The following DMD variants were observed in gnomAD, a reference collection of about 807,000 sequenced individuals.
DMD encodes the protein mutant dystrophin.
A neutral mutation model predicts 330.1 loss-of-function variants in DMD; 63 were observed. The ratio of observed to expected loss-of-function variants is 0.19; its 90% CI spans 0.16 to 0.24. The LOEUF (loss-of-function observed/expected upper bound fraction) is 0.24, where lower values mean the gene tolerates loss of function less well. Ranked by LOEUF, DMD falls within the 10% of genes least tolerant of loss-of-function variation. The pLI is 1.00. For missense variants in DMD, 3,344 were observed against 2,684.1 expected, an observed-to-expected ratio of 1.25 and a Z score of -5.43; for synonymous variants, 1,223 against 959.8, an observed-to-expected ratio of 1.27 and a Z score of -5.07.
intron 1 of DMD, among the ~76,000 whole-genome samples, chrX:33,043,938 G>A (rs1215884060): frequency 1.9e-5 from 2 of 107,893 alleles, no homozygotes; most frequent in Non-Finnish European, 3.8e-5. Context: ...CTTTTCAGTC[G>A]GTGATGAGAG....
chrX:32,462,128 G>A lies in DMD; in HGVS notation c.3432+1311C>T, dbSNP rs1398068783. On this transcript the variant is annotated intron_variant, in intron 25 of 78. Coordinates refer to ENST00000357033, the MANE Select transcript of DMD (RefSeq NM_004006.3). ...GTACAGTAGTTCCCTTGTATCTTTG[G>A]AAGATATGTTCATACCAAGACCTCC... 2.7e-5 allele frequency among the ~76,000 whole-genome samples: 3 copies of A among 111,079 alleles called. No homozygotes were observed. The East Asian group carries it at 8.5e-4, about 31-fold the overall frequency.
chrX:33,294,332 A>G (rs1434590217), intron 1 of DMD, among the ~76,000 whole-genome samples: 1 of 111,256 alleles, frequency 9.0e-6, no homozygotes, highest in African/African-American at 3.3e-5. Context: ...CCCTGACACT[A>G]CACACTACCA....
chrX:32,252,483 TAG>T lies in DMD; in HGVS notation c.6290+35044_6290+35045del, dbSNP rs779787721. 2.5e-3 allele frequency among the ~76,000 whole-genome samples: 254 copies of T among 103,625 alleles called. 2 individuals carry two copies. The highest frequency in any genetic ancestry group is 8.6e-3 in the African/African-American group (246 of 28,513). 90.0% of individuals were successfully genotyped at this position (103,625 alleles called of 115,157 possible). ...ACAATGTGTTCTTTGTTAATTTCTG[TAG>T]AGTTTTTGAGACAGGATCAGAATTA... On this transcript the variant is annotated intron_variant, in intron 43 of 78. Coordinates refer to ENST00000357033, the MANE Select transcript of DMD (RefSeq NM_004006.3).
At chrX:32,085,629 C>CACATATATACATATATAT (rs1569541191) in intron 44 of DMD, among the ~76,000 whole-genome samples, 11 of 55,042 alleles carry the variant, frequency 2.0e-4, no homozygotes, top group Non-Finnish European at 2.5e-4. Context: ...TATATATATA[C>CACATATATACATATATAT]ACATATATAC....
At chrX:33,129,325 C>CTTTT (rs58505662) in intron 1 of DMD, among the ~76,000 whole-genome samples, 740 of 30,706 alleles carry the variant, frequency 0.024, 200 homozygotes, top group African/African-American at 0.072. Context: ...TTAAGGTTTG[C>CTTTT]TTTTTTTTTT....
intron 60 of DMD, among the ~76,000 whole-genome samples, chrX:31,380,025 T>G (rs1183163664): frequency 9.0e-6 from 1 of 111,191 alleles, no homozygotes; most frequent in Non-Finnish European, 1.9e-5. Context: ...CAGATGCCGA[T>G]CTTCAGGTAA....
intron 1 of DMD, among the ~76,000 whole-genome samples, chrX:33,260,179 C>T (rs1384514924): frequency 9.0e-6 from 1 of 111,186 alleles, no homozygotes; most frequent in Admixed American, 9.6e-5. Flanking sequence ...GCATTCCCAC[C>T]AGCAATGAAA....
chrX:32,324,582 T>C (rs1228575472), intron 41 of DMD, among the ~76,000 whole-genome samples: 1 of 111,525 alleles, frequency 9.0e-6, no homozygotes, highest in East Asian at 2.8e-4. Context: ...AAAATCACAC[T>C]TCTTCCCAAA....
chrX:32,320,143 A>G (rs756519132), intron 41 of DMD, among the ~76,000 whole-genome samples: 1 of 111,140 alleles, frequency 9.0e-6, no homozygotes, highest in South Asian at 3.8e-4. Flanking sequence ...TGCCTTGTGG[A>G]TCTGTCAACT....
intron 2 of DMD, among the ~76,000 whole-genome samples, chrX:32,876,378 T>G (rs2083378698): frequency 8.9e-6 from 1 of 112,127 alleles, no homozygotes; most frequent in East Asian, 2.8e-4. Context: ...TACAACTAGT[T>G]ATTTTCCTAA....
intron 42 of DMD, among the ~76,000 whole-genome samples, chrX:32,297,187 T>C (rs1431100494): frequency 9.0e-6 from 1 of 111,254 alleles, no homozygotes; most frequent in Non-Finnish European, 1.9e-5. Flanking sequence ...TATTCATTCA[T>C]TAACTCAAGA....
chrX:32,902,750 G>T (rs1180028433), intron 2 of DMD, among the ~76,000 whole-genome samples: 1 of 110,701 alleles, frequency 9.0e-6, no homozygotes, highest in Non-Finnish European at 1.9e-5. Context: ...ATATATAGGA[G>T]AAAGAGAAAA....
intron 57 of DMD, among the ~76,000 whole-genome samples, chrX:31,492,613 G>A (rs775274252): frequency 7.2e-5 from 8 of 111,744 alleles, no homozygotes; most frequent in African/African-American, 9.8e-5. Context: ...TAGCAAAGGC[G>A]TGGAACCAAC....
chrX:32,271,866 A>AT (rs1447109099), intron 43 of DMD, among the ~76,000 whole-genome samples: 1 of 112,033 alleles, frequency 8.9e-6, no homozygotes, highest in Non-Finnish European at 1.9e-5. Flanking sequence ...TTTACCCTGC[A>AT]TTAATAATTT....
At chrX:33,217,142 G>T (rs2052072294) in intron 1 of DMD, among the ~76,000 whole-genome samples, 1 of 111,081 alleles carries the variant, frequency 9.0e-6, no homozygotes, top group African/African-American at 3.3e-5. Flanking sequence ...ATCCATATTG[G>T]TTGAAATGTT....
intron 48 of DMD, among the ~76,000 whole-genome samples, chrX:31,858,644 T>TTA (rs951791396): frequency 4.5e-5 from 5 of 110,556 alleles, no homozygotes; most frequent in Admixed American, 2.9e-4. Flanking sequence ...GTTCAATAAT[T>TTA]TATATATATG....
Position 33,118,729 on chromosome X carries a change from A to G in DMD, c.31+92553T>C, listed in dbSNP as rs182333647. Among the ~76,000 whole-genome samples, 482 of 112,301 alleles carry G rather than the reference A, an allele frequency of 4.3e-3. 3 individuals carry two copies. Among genetic ancestry groups the G allele is most frequent in the Non-Finnish European group, 7.5e-3 (402 of 53,312 alleles). ...CTCCCCTCAAAAGTCCCTTGGAATTAGCCTAGCTATCTCAGCATAGCTTTT... is the reference window on the plus strand; with the variant it reads ...CTCCCCTCAAAAGTCCCTTGGAATTGGCCTAGCTATCTCAGCATAGCTTTT... On this transcript the variant is annotated intron_variant, in intron 1 of 78. Coordinates refer to ENST00000357033, the MANE Select transcript of DMD (RefSeq NM_004006.3).
intron 55 of DMD, among the ~76,000 whole-genome samples, chrX:31,605,244 T>TA (rs1346598078): frequency 8.9e-6 from 1 of 111,761 alleles, no homozygotes; most frequent in Non-Finnish European, 1.9e-5. Flanking sequence ...ACAGTTGCCA[T>TA]AAAAAACAAT....
chrX:32,253,892 G>A (rs985190856), intron 43 of DMD, among the ~76,000 whole-genome samples: 4 of 111,416 alleles, frequency 3.6e-5, no homozygotes, highest in East Asian at 2.8e-4. Flanking sequence ...AAAGTGCTGC[G>A]ATTACAGGCG....
Sources: allele counts gnomAD v4.1 joint callset (sites outside exome capture counted in the v4.1 genomes callset), GRCh38; gene constraint gnomAD v4.1.1; transcripts MANE v1.5; gene names NCBI Gene and HGNC (gene_info 2026-07-23, HGNC 2026-07-21).